RBFOX1: variants seen among roughly 807,000 people sequenced by gnomAD.
The protein encoded by RBFOX1 is RNA binding fox-1 homolog 1.
Under a neutral mutation model 57.7 loss-of-function variants are expected in RBFOX1, and 8 were observed. That is an observed-to-expected ratio of 0.14 (90% CI 0.08 to 0.25). The LOEUF is 0.25. RBFOX1 is among the 10% of genes least tolerant of loss of function. RBFOX1 has a pLI of 1.00. For synonymous variants in RBFOX1, 326 were observed against 222.4 expected, an observed-to-expected ratio of 1.47 and a Z score of -4.15; for missense variants, 611 against 548.5, an observed-to-expected ratio of 1.11 and a Z score of -1.14.
chr16:5,597,940 C>A (rs9928297), intron 2 of RBFOX1, among the ~76,000 whole-genome samples: 27,472 of 151,964 alleles, frequency 0.18, 2,752 homozygotes, highest in Non-Finnish European at 0.21. Flanking sequence ...ACCTGTGAGA[C>A]GGGGCTGAGG....
intron 2 of RBFOX1, among the ~76,000 whole-genome samples, chr16:6,335,326 A>AT (rs1284421812): frequency 6.6e-6 from 1 of 152,150 alleles, no homozygotes; most frequent in Admixed American, 6.5e-5. Flanking sequence ...TTGGTACTGC[A>AT]TGCTGCTTTA....
intron 3 of RBFOX1, among the ~76,000 whole-genome samples, chr16:6,702,982 G>A (rs2062090740): frequency 6.6e-6 from 1 of 152,118 alleles, no homozygotes. Flanking sequence ...CTATGGATTC[G>A]ATGTTCTAGG....
chr16:5,296,573 T>A (rs975704792), intron 1 of RBFOX1, among the ~76,000 whole-genome samples: 18 of 149,508 alleles, frequency 1.2e-4, no homozygotes, highest in Admixed American at 2.7e-4. Flanking sequence ...AAAAAAAAAA[T>A]TTTTTTTTAA....
intron 4 of RBFOX1, among the ~76,000 whole-genome samples, chr16:5,894,841 G>A (rs959472645): frequency 3.3e-5 from 5 of 151,978 alleles, no homozygotes; most frequent in Non-Finnish European, 7.4e-5. Context: ...CTAACACGGT[G>A]AAACCCCGTC....
At chr16:7,296,643 A>G (rs905959162) in intron 4 of RBFOX1, among the ~76,000 whole-genome samples, 8 of 152,194 alleles carry the variant, frequency 5.3e-5, no homozygotes, top group African/African-American at 1.7e-4. Context: ...GAACACCTGC[A>G]TGATGGGCAT....
intron 5 of RBFOX1, among the ~76,000 whole-genome samples, chr16:7,551,402 A>G (rs2086487836): frequency 6.6e-6 from 1 of 152,150 alleles, no homozygotes; most frequent in Non-Finnish European, 1.5e-5. Context: ...GAGGGTCTCT[A>G]AGCCATAGGA....
Position 5,798,442 on chromosome 16 carries a change from G to A in RBFOX1, c.319-68861G>A, listed in dbSNP as rs550975156. On this transcript the variant is annotated intron_variant, in intron 3 of 19. Transcript: ENST00000641259. ...GATGAAAGGGTTTATTTCCCAGGTG[G>A]ACTGGGAGGATATGGGACTTCCAGG... Among the ~76,000 whole-genome samples, 54 of 152,194 alleles carry A rather than the reference G, an allele frequency of 3.5e-4. 1 individual carries two copies. Among genetic ancestry groups the A allele is most frequent in the Non-Finnish European group, 6.9e-4 (47 of 68,036 alleles).
chr16:7,122,760 C>T (rs189618810), intron 4 of RBFOX1, among the ~76,000 whole-genome samples: 7 of 152,148 alleles, frequency 4.6e-5, no homozygotes, highest in Non-Finnish European at 7.4e-5. Flanking sequence ...AAAACATGTA[C>T]ATGTCTGTGT....
intron 4 of RBFOX1, among the ~76,000 whole-genome samples, chr16:7,114,998 C>T (rs115552584): frequency 1.1e-3 from 161 of 152,234 alleles, no homozygotes; most frequent in African/African-American, 3.4e-3. Context: ...ATAGGGTAAG[C>T]GTATTTACTC....
chr16:6,859,506 C>T (rs1288623838), intron 3 of RBFOX1, among the ~76,000 whole-genome samples: 1 of 151,810 alleles, frequency 6.6e-6, no homozygotes, highest in East Asian at 1.9e-4. Context: ...CCCTAATGCC[C>T]ATGGACCTGC....
intron 4 of RBFOX1, among the ~76,000 whole-genome samples, chr16:7,091,708 C>G (rs945815991): frequency 6.6e-6 from 1 of 152,130 alleles, no homozygotes; most frequent in Non-Finnish European, 1.5e-5. Flanking sequence ...TCTTTCACCC[C>G]ATCCTCAGTA....
At chr16:6,848,423 A>G (rs2093883148) in intron 3 of RBFOX1, among the ~76,000 whole-genome samples, 1 of 152,196 alleles carries the variant, frequency 6.6e-6, no homozygotes, top group Non-Finnish European at 1.5e-5. Flanking sequence ...ATGCCAAACA[A>G]ACACTTCTGT....
At chr16:6,996,313 A>G (rs1394202535) in intron 3 of RBFOX1, among the ~76,000 whole-genome samples, 6 of 152,102 alleles carry the variant, frequency 3.9e-5, no homozygotes, top group Non-Finnish European at 7.4e-5. Context: ...TAGTACTGGG[A>G]TTTTTAAATT....
intron 2 of RBFOX1, among the ~76,000 whole-genome samples, chr16:6,326,702 C>T (rs1040572401): frequency 2.7e-5 from 4 of 150,150 alleles, no homozygotes; most frequent in Admixed American, 1.3e-4. Flanking sequence ...CAGAAACGTC[C>T]GTGGCCATGA....
chr16:7,323,145 C>G (rs1409991444), intron 4 of RBFOX1, among the ~76,000 whole-genome samples: 5 of 152,224 alleles, frequency 3.3e-5, no homozygotes, highest in African/African-American at 1.2e-4. Flanking sequence ...CAAGCTAAGA[C>G]TGGGCACATG....
intron 4 of RBFOX1, among the ~76,000 whole-genome samples, chr16:7,268,021 T>C (rs1057219014): frequency 6.6e-6 from 1 of 152,190 alleles, no homozygotes; most frequent in African/African-American, 2.4e-5. Context: ...ACCCAGATGC[T>C]GTAGCCTACG....
rs188335952 is a variant in RBFOX1, at chr16:6,495,169, A to G, written c.-63-159434A>G. Reference sequence around the variant, plus strand: ...ACTTTCACTCTTTCACCCATGCGGGAGTGAAGTGGTGGAATCTCGGCTCAT... The same window carrying G: ...ACTTTCACTCTTTCACCCATGCGGGGGTGAAGTGGTGGAATCTCGGCTCAT... On this transcript the variant is annotated intron_variant, in intron 2 of 15. Coordinates refer to ENST00000550418, the MANE Select transcript of RBFOX1 (RefSeq NM_018723.4). 5.9e-3 allele frequency among the ~76,000 whole-genome samples: 899 copies of G among 152,068 alleles called. 3 individuals carry two copies. The highest frequency in any genetic ancestry group is 0.048 in the Middle Eastern group (14 of 294).
intron 10 of RBFOX1, among the ~76,000 whole-genome samples, chr16:7,613,126 G>T (rs891470011): frequency 1.3e-5 from 2 of 152,190 alleles, no homozygotes; most frequent in Non-Finnish European, 2.9e-5. Flanking sequence ...AGGAGATGCA[G>T]AGTAGATCAA....
chr16:6,663,935 A>T (rs1205841023), intron 3 of RBFOX1, among the ~76,000 whole-genome samples: 1 of 152,200 alleles, frequency 6.6e-6, no homozygotes, highest in East Asian at 1.9e-4. Flanking sequence ...GTGGCTAGAG[A>T]TAAAGCTCAA....
Sources: gnomAD v4.1 joint callset for allele counts (sites outside exome capture counted in the v4.1 genomes callset) on GRCh38, gnomAD v4.1.1 for gene constraint, MANE v1.5 for transcripts, NCBI Gene and HGNC (gene_info 2026-07-23, HGNC 2026-07-21) for gene names.